SIAH1: variants seen among roughly 807,000 people sequenced by gnomAD.
SIAH1 encodes the protein siah E3 ubiquitin protein ligase 1, also known as E3 ubiquitin-protein ligase SIAH1.
Under a neutral mutation model 20.0 loss-of-function variants are expected in SIAH1, and 2 were observed. That is an observed-to-expected ratio of 0.10 (90% CI 0.04 to 0.31). The LOEUF is 0.31. Ranked by LOEUF, SIAH1 falls within the 10% of genes least tolerant of loss-of-function variation. The pLI, the probability that SIAH1 is intolerant of heterozygous loss-of-function variation, is 1.00. For synonymous variants in SIAH1, 118 were observed against 125.3 expected, an observed-to-expected ratio of 0.94 and a Z score of 0.39; for missense variants, 119 against 355.3, an observed-to-expected ratio of 0.33 and a Z score of 5.35.
chr16:48,373,917 C>A (rs187108493), intron 1 of SIAH1, among the ~76,000 whole-genome samples: 4 of 152,236 alleles, frequency 2.6e-5, no homozygotes, highest in African/African-American at 9.6e-5. Flanking sequence ...CTAGGTTGCT[C>A]CTTTGGGCCT....
intron 1 of SIAH1, among the ~76,000 whole-genome samples, chr16:48,382,136 G>A (rs1961312684): frequency 6.6e-6 from 1 of 152,194 alleles, no homozygotes; most frequent in Non-Finnish European, 1.5e-5. Context: ...CAGCACTTTG[G>A]GAGTCCGAGG....
At chr16:48,368,201 C>T (rs74017937) in intron 1 of SIAH1, among the ~76,000 whole-genome samples, 1,918 of 152,114 alleles carry the variant, frequency 0.013, 40 homozygotes, top group African/African-American at 0.042. Flanking sequence ...ACGTGAGGGA[C>T]GGGGTGAGAA....
At chr16:48,371,797 A>G (rs1960992286) in intron 1 of SIAH1, among the ~76,000 whole-genome samples, 1 of 152,254 alleles carries the variant, frequency 6.6e-6, no homozygotes, top group African/African-American at 2.4e-5. Flanking sequence ...TTATCTGAAT[A>G]CAGCCATTTA....
At chr16:48,374,987 C>T (rs972670995) in intron 1 of SIAH1, among the ~76,000 whole-genome samples, 3 of 152,074 alleles carry the variant, frequency 2.0e-5, no homozygotes, top group African/African-American at 4.8e-5. Context: ...ACAATAGAGG[C>T]GTGTTATTTA....
At chr16:48,364,532 A>G (rs1960752058) in intron 1 of SIAH1, among the ~76,000 whole-genome samples, 1 of 152,206 alleles carries the variant, frequency 6.6e-6, no homozygotes. Context: ...TCAGAACATG[A>G]ATCAACTCTC....
chr16:48,375,081 G>A (rs764242175), intron 1 of SIAH1, among the ~76,000 whole-genome samples: 11 of 152,198 alleles, frequency 7.2e-5, no homozygotes, highest in East Asian at 1.9e-4. Flanking sequence ...ACCCGGGCAC[G>A]GAGGTTGCAG....
At chr16:48,384,023 C>T (rs957451090) in intron 1 of SIAH1, among the ~76,000 whole-genome samples, 5 of 152,208 alleles carry the variant, frequency 3.3e-5, no homozygotes, top group African/African-American at 4.8e-5. Flanking sequence ...ACCCATTTTG[C>T]AGATAAGGAA....
intron 1 of SIAH1, among the ~76,000 whole-genome samples, chr16:48,375,134 G>A (rs995409957): frequency 1.3e-5 from 2 of 152,238 alleles, no homozygotes; most frequent in African/African-American, 4.8e-5. Context: ...GGGCGACACA[G>A]TGAGACTCTA....
chr16:48,383,109 T>C (rs1230334522), intron 1 of SIAH1, among the ~76,000 whole-genome samples: 1 of 152,248 alleles, frequency 6.6e-6, no homozygotes, highest in African/African-American at 2.4e-5. Flanking sequence ...ACATTGTTTC[T>C]GAATTTGTAC....
chr16:48,363,152 G>A (rs986934539), intron 1 of SIAH1: 2 of 167,076 alleles, frequency 1.2e-5, no homozygotes, highest in Non-Finnish European at 2.9e-5. Flanking sequence ...CTAATCCGAG[G>A]ATACCGCGGA....
In SIAH1 at chr16:48,361,588, T is replaced by C; in HGVS notation, c.841A>G (p.Met281Val). ...GNLGINVTISMC is the reference protein window; with the variant it reads ...GNLGINVTISVC ...AATGTTTGATTGCCATTTCAACACA[T>C]GGAAATAGTTACATTGATGCCTAAA... The change falls in exon 2 of 2, where the codon ATG becomes GTG. Residue 281 changes from methionine (M) to valine (V), a missense_variant. By Grantham distance (21) the Met-to-Val change is conservative. Around this residue, in one of 2 missense-constraint regions of SIAH1, gnomAD observed 84 missense variants for 307.8 expected, o/e 0.27. Transcript: ENST00000394725. 1 of 1,612,102 alleles carries C rather than the reference T, an allele frequency of 6.2e-7. No individual in the cohort carries two copies. The highest frequency in any genetic ancestry group is 8.5e-7 in the Non-Finnish European group (1 of 1,178,660).
chr16:48,377,052 G>GT (rs1281035222), intron 1 of SIAH1, among the ~76,000 whole-genome samples: 1 of 152,146 alleles, frequency 6.6e-6, no homozygotes, highest in East Asian at 1.9e-4. Context: ...GGTGGTCGAT[G>GT]TGACACTAAT....
At chr16:48,366,129 G>T (rs1231389864) in intron 1 of SIAH1, among the ~76,000 whole-genome samples, 4 of 149,568 alleles carry the variant, frequency 2.7e-5, no homozygotes, top group African/African-American at 9.8e-5. Context: ...CAGCGACATC[G>T]AACCTTCCTC....
chr16:48,385,186 A>G lies in SIAH1; in HGVS notation c.-3+18T>C, dbSNP rs565270861. ...GCCCCTCGCCGCCGGCTCCTCCCTC[A>G]GGCCGGGCCCCACTTACCTGTGGGC... On this transcript the variant is annotated intron_variant, in intron 1 of 1. Coordinates refer to ENST00000394725, the MANE Select transcript of SIAH1 (RefSeq NM_003031.4). The G allele has an allele frequency of 3.5e-3, 984 of 283,176 alleles. 8 individuals are homozygous for G. The highest frequency in any genetic ancestry group is 5.4e-3 in the Non-Finnish European group (712 of 130,944). 17.5% of individuals were successfully genotyped at this position (283,176 alleles called of 1,614,324 possible).
chr16:48,375,096 C>A (rs2078420206), intron 1 of SIAH1, among the ~76,000 whole-genome samples: 1 of 152,168 alleles, frequency 6.6e-6, no homozygotes, highest in Admixed American at 6.5e-5. Context: ...TTGCAGTGAG[C>A]CAAGATGGTG....
Position 48,362,600 on chromosome 16 carries a change from A to C in SIAH1, c.-2-170T>G, listed in dbSNP as rs539256441. 5.0e-5 allele frequency: 33 copies of C among 662,894 alleles called. No homozygotes were observed. The African/African-American group carries it at 5.1e-4, about 10-fold the overall frequency. The allele number at this position is 662,894 out of a possible 1,614,324, so 41.1% of individuals were successfully genotyped here. ...ATATTAAAAAAATAAAATTACACTG[A>C]ATGTGCACTTTATTAGGATCTGTAC... On this transcript the variant is annotated intron_variant, in intron 1 of 1. Coordinates refer to ENST00000394725, the MANE Select transcript of SIAH1 (RefSeq NM_003031.4). This position sits in a 1 kb window ranked among gnomAD's most constrained non-coding sequence, Gnocchi z 4.2.
At chr16:48,380,928 CAAA>C (rs59376248) in intron 1 of SIAH1, among the ~76,000 whole-genome samples, 9,526 of 45,130 alleles carry the variant, frequency 0.21, 1,079 homozygotes, top group Middle Eastern at 0.4. Flanking sequence ...GACTCCGTCT[CAAA>C]AAAAAAAAAA....
intron 1 of SIAH1, among the ~76,000 whole-genome samples, chr16:48,379,561 G>A (rs566933687): frequency 1.4e-4 from 22 of 152,284 alleles, no homozygotes; most frequent in Non-Finnish European, 2.2e-4. Context: ...GGAGTCAGTC[G>A]CTCAATAACT....
chr16:48,372,251 G>A (rs538217419), intron 1 of SIAH1, among the ~76,000 whole-genome samples: 1 of 152,180 alleles, frequency 6.6e-6, no homozygotes, highest in Non-Finnish European at 1.5e-5. Flanking sequence ...AAATCATGGA[G>A]CCTTATTAAA....
Sources: gnomAD v4.1 joint callset for allele counts (sites outside exome capture counted in the v4.1 genomes callset) on GRCh38, gnomAD v4.1.1 for gene constraint, gnomAD v4.1.1 regional missense constraint, Gnocchi (gnomAD v3.1) non-coding constraint, MANE v1.5 for transcripts, NCBI Gene and HGNC (gene_info 2026-07-23, HGNC 2026-07-21) for gene names.